The following AARSD1 variants were observed in gnomAD, a reference collection of about 807,000 sequenced individuals.
AARSD1 encodes the protein alanyl-tRNA editing protein Aarsd1.
AARSD1 carries 44 observed loss-of-function variants against 48.7 expected under a neutral mutation model. The observed-to-expected ratio is 0.90, with a 90% CI of 0.71 to 1.16. The LOEUF (loss-of-function observed/expected upper bound fraction) is 1.16. AARSD1 is among the 50% of genes most tolerant of loss of function. AARSD1 has a pLI of 0.00. For synonymous variants in AARSD1, 189 were observed against 194.9 expected, an observed-to-expected ratio of 0.97 and a Z score of 0.25; for missense variants, 511 against 523.1, an observed-to-expected ratio of 0.98 and a Z score of 0.23.
chr17:42,956,956 T>G (rs7225021), intron 4 of AARSD1, among the ~76,000 whole-genome samples, 182 bp downstream of exon 4: 1 of 138,808 alleles, frequency 7.2e-6, no homozygotes, highest in Admixed American at 7.3e-5. Context: ...CGTGAGCCAC[T>G]GCGCCTGGCC....
At chr17:42,951,948 C>T (rs1471917058) in intron 10 of AARSD1, 54 bp from the exon 11 acceptor site, 2 of 1,569,790 alleles carry the variant, frequency 1.3e-6, no homozygotes, top group African/African-American at 1.4e-5. Context: ...TAGAGTCAAC[C>T]CCCCAAATCC....
intron 7 of AARSD1, 130 bp from the exon 8 acceptor site, chr17:42,955,354 G>A (rs1412695034): frequency 9.1e-7 from 1 of 1,102,766 alleles, no homozygotes; most frequent in Non-Finnish European, 1.3e-6. Flanking sequence ...ATTCTGAGGA[G>A]GTCTCTTAGG....
At chr17:42,962,316 A>C (rs932888105) in intron 2 of AARSD1, 3 of 193,776 alleles carry the variant, frequency 1.5e-5, no homozygotes, top group African/African-American at 7.2e-5. Context: ...AAAAAAAAAA[A>C]AGTTCATTCA....
At chr17:42,951,119 T>C (rs923502272) in intron 11 of AARSD1, among the ~76,000 whole-genome samples, 5 of 152,026 alleles carry the variant, frequency 3.3e-5, no homozygotes, top group East Asian at 1.9e-4. Context: ...GATGGTGCCA[T>C]TGCACTCCAG....
chr17:42,962,723 C>A (rs571751073), intron 2 of AARSD1, among the ~76,000 whole-genome samples: 1 of 152,284 alleles, frequency 6.6e-6, no homozygotes, highest in African/African-American at 2.4e-5. Context: ...TCTCTCATGT[C>A]ACTTATTTGC....
chr17:42,958,049 GC>G (rs1743278777), intron 3 of AARSD1, among the ~76,000 whole-genome samples: 1 of 152,116 alleles, frequency 6.6e-6, no homozygotes, highest in South Asian at 2.1e-4. Flanking sequence ...GATGCAGCCA[GC>G]AAGAGGTCAA....
intron 10 of AARSD1, 58 bp from the exon 11 acceptor site, chr17:42,951,952 C>CA (rs2049485574): frequency 1.3e-6 from 2 of 1,550,592 alleles, no homozygotes; most frequent in South Asian, 1.1e-5. Flanking sequence ...GTCAACCCCC[C>CA]AAATCCTGCA....
At chr17:42,958,923 G>A (rs959884744) in intron 3 of AARSD1, among the ~76,000 whole-genome samples, 2 of 150,588 alleles carry the variant, frequency 1.3e-5, no homozygotes, top group African/African-American at 4.9e-5. Context: ...TTTATGCCAG[G>A]TGCGGTGGCT....
chr17:42,963,084 C>CA (rs1428534053), intron 2 of AARSD1, among the ~76,000 whole-genome samples: 2 of 148,016 alleles, frequency 1.4e-5, no homozygotes, highest in African/African-American at 2.5e-5. Flanking sequence ...CTTAATACAC[C>CA]TTTTTTTTTT....
At chr17:42,953,596 T>G (rs772420074) in intron 10 of AARSD1, 128 bp downstream of exon 10, 3 of 1,221,344 alleles carry the variant, frequency 2.5e-6, no homozygotes, top group South Asian at 1.3e-5. Flanking sequence ...AAAACAGTAT[T>G]GAATGAATGG....
intron 10 of AARSD1, among the ~76,000 whole-genome samples, chr17:42,953,402 G>A (rs117332117): frequency 0.012 from 1,857 of 152,204 alleles, 19 homozygotes; most frequent in Middle Eastern, 0.02. Flanking sequence ...GAGCCACCGC[G>A]ACCAGCCCAC....
intron 7 of AARSD1, 82 bp downstream of exon 7, chr17:42,955,760 T>C (rs1016771737): frequency 1.4e-5 from 23 of 1,587,710 alleles, no homozygotes; most frequent in African/African-American, 2.7e-5. Context: ...CATTTACGAT[T>C]GCATCTTATC....
chr17:42,951,320 G>C (rs2049476052), intron 11 of AARSD1, among the ~76,000 whole-genome samples: 1 of 152,112 alleles, frequency 6.6e-6, no homozygotes, highest in African/African-American at 2.4e-5. Context: ...GGGAGGGCAA[G>C]GCAGGTGGAT....
At chr17:42,959,722 G>T (rs1329250927) in intron 3 of AARSD1, among the ~76,000 whole-genome samples, 2 of 151,124 alleles carry the variant, frequency 1.3e-5, no homozygotes, top group Non-Finnish European at 2.9e-5. Context: ...GGAGTGCAGT[G>T]GCGCGATCTC....
Position 42,964,417 on chromosome 17 carries a change from G to A in AARSD1, c.24C>T (p.Asp8=), listed in dbSNP as rs985949478. 7 of 1,551,000 alleles carry A rather than the reference G, an allele frequency of 4.5e-6. No individual in the cohort carries two copies. Among genetic ancestry groups the A allele is most frequent in the African/African-American group, 1.4e-5 (1 of 73,078 alleles). Residue 8 remains aspartate, a synonymous_variant, in exon 1 of 12, where the codon GAC becomes GAT. Transcript: ENST00000427569. ...GACGCCGTACCTCTCGGGCATAACTGTCACGCTGACACCAGAACGCCATAC... is the reference window on the plus strand; with the variant it reads ...GACGCCGTACCTCTCGGGCATAACTATCACGCTGACACCAGAACGCCATAC... MAFWCQR[D]SYAREFTTTV...
In AARSD1 at chr17:42,955,177, G is replaced by A. The variant is rs1001435354; in HGVS notation, c.842C>T (p.Ser281Phe). Residue 281 changes from serine (S) to phenylalanine (F), a missense_variant, in exon 8 of 12, where the codon TCC becomes TTC. Coordinates refer to ENST00000427569, the MANE Select transcript of AARSD1 (RefSeq NM_001261434.2). ...HVEAVKKLQNSTKILQKNNLN... is the reference protein window; with the variant it reads ...HVEAVKKLQNFTKILQKNNLN... ...AATCACCTTCTGCAGGATCTTGGTGGAGTTCTGGAGCTTTTTCACTGCTTC... is the reference window on the plus strand; with the variant it reads ...AATCACCTTCTGCAGGATCTTGGTGAAGTTCTGGAGCTTTTTCACTGCTTC... 3 of 1,614,114 alleles carry A rather than the reference G, an allele frequency of 1.9e-6. No individual in the cohort carries two copies. Among genetic ancestry groups the A allele is most frequent in the Non-Finnish European group, 2.5e-6 (3 of 1,180,022 alleles).
In AARSD1 at chr17:42,951,670, A is replaced by C. The variant is rs2049480546; in HGVS notation, c.1103+130T>G. 1.5e-5 allele frequency: 14 copies of C among 956,676 alleles called. No homozygotes were observed. The South Asian group carries it at 2.0e-4, about 13-fold the overall frequency. 59.3% of individuals were successfully genotyped at this position (956,676 alleles called of 1,614,324 possible). A position where few individuals can be genotyped will look rare whatever the true frequency, so the allele number is the denominator to read the frequency against. On this transcript the variant is annotated intron_variant, in intron 11 of 11. Coordinates refer to ENST00000427569, the MANE Select transcript of AARSD1 (RefSeq NM_001261434.2). ...ACAGTAGTAATAATTATCTCTGCTC[A>C]GCCCACCTCACATGCCCATGATGTG...
rs151255124 is a variant in AARSD1, at chr17:42,964,153, G to A, written c.124C>T (p.Gln42Ter). Reference sequence around the variant, plus strand: ...AGCACTGTGTCTTCCAGCACCACTTGGAAACCGCTCAGCACTTCTTTCTTG... The same window carrying A: ...AGCACTGTGTCTTCCAGCACCACTTAGAAACCGCTCAGCACTTCTTTCTTG... Reference protein sequence around the residue: ...NGKKEVLSGFQVVLEDTVLFP... With the variant: ...NGKKEVLSGF The change falls in exon 2 of 12, where the codon CAA becomes TAA. Residue 42 changes from glutamine to a stop codon, truncating the protein, a stop_gained. Coordinates refer to ENST00000427569, the MANE Select transcript of AARSD1 (RefSeq NM_001261434.2). LOFTEE classifies it high-confidence loss of function. The A allele has an allele frequency of 3.1e-4, 494 of 1,614,148 alleles. 1 individual carries two copies. The African/African-American group carries it at 5.8e-3, about 19-fold the overall frequency.
chr17:42,963,414 GAAAGAAAGAAAGAAAAGA>G (rs2049665768), intron 2 of AARSD1, among the ~76,000 whole-genome samples: 1 of 147,724 alleles, frequency 6.8e-6, no homozygotes, highest in African/African-American at 2.5e-5. Context: ...AAAAAAAAAA[GAAAGAAAGAAAGAAAAGA>G]AAAGAAAGAA....
Sources: gnomAD v4.1 joint callset for allele counts (sites outside exome capture counted in the v4.1 genomes callset) on GRCh38, gnomAD v4.1.1 for gene constraint, MANE v1.5 for transcripts, NCBI Gene and HGNC (gene_info 2026-07-23, HGNC 2026-07-21) for gene names.